Variants in GABBR2 observed in about 807,000 individuals in gnomAD.
The protein encoded by GABBR2 is gamma-aminobutyric acid type B receptor subunit 2, also known as G-protein coupled receptor 51.
GABBR2 carries 23 observed loss-of-function variants against 105.6 expected under a neutral mutation model. That is an observed-to-expected ratio of 0.22 (90% CI 0.16 to 0.31). GABBR2 has a LOEUF of 0.31. Ranked by LOEUF, GABBR2 falls within the 10% of genes least tolerant of loss-of-function variation. The probability of loss-of-function intolerance (pLI) is 1.00; values close to 1 mark genes in which losing one functional copy is unlikely to be tolerated. For synonymous variants in GABBR2, 478 were observed against 499.7 expected (o/e 0.96, Z 0.58); for missense variants, 734 against 1,245.5 (o/e 0.59, Z 6.18).
At chr9:98,588,099 T>C (rs1372928202) in intron 1 of GABBR2, among the ~76,000 whole-genome samples, 1 of 152,202 alleles carries the variant, frequency 6.6e-6, no homozygotes, top group Non-Finnish European at 1.5e-5. Context: ...ATTTTTAAAC[T>C]GGTAAGCTTT....
rs996748074 is a variant in GABBR2 at position 98,388,156 on chromosome 9, T to A, written c.1529+698A>T. 1.3e-5 allele frequency among the ~76,000 whole-genome samples: 2 copies of A among 152,230 alleles called. No individual in the cohort carries two copies. The highest frequency in any genetic ancestry group is 4.8e-5 in the African/African-American group (2 of 41,470). ...CTGGAGTGGCGGCCTGTTCTACCCA[T>A]GACTGACCAGAATAACTCAGTCAGC... On this transcript the variant is annotated intron_variant, in intron 10 of 18. Transcript: ENST00000259455. The surrounding 1 kb of genome is among the most constrained non-coding windows in gnomAD (Gnocchi z 4.4).
intron 8 of GABBR2, among the ~76,000 whole-genome samples, chr9:98,403,832 T>C (rs1257588905): frequency 6.6e-6 from 1 of 151,502 alleles, no homozygotes; most frequent in East Asian, 1.9e-4. Flanking sequence ...ATTTAGTTTT[T>C]CCCATATTCC....
intron 3 of GABBR2, among the ~76,000 whole-genome samples, chr9:98,511,119 C>T (rs1827632240): frequency 6.6e-6 from 1 of 152,188 alleles, no homozygotes; most frequent in Non-Finnish European, 1.5e-5. Flanking sequence ...AACTGCACAA[C>T]TACATGGAAA....
chr9:98,617,182 C>T (rs1026616798), intron 1 of GABBR2, among the ~76,000 whole-genome samples: 2 of 152,138 alleles, frequency 1.3e-5, no homozygotes, highest in Non-Finnish European at 2.9e-5. Context: ...GTCAGATGTG[C>T]GTGTGAATGG....
At chr9:98,322,793 C>T (rs193122234) in intron 13 of GABBR2, among the ~76,000 whole-genome samples, 10 of 152,270 alleles carry the variant, frequency 6.6e-5, no homozygotes, top group Non-Finnish European at 1.3e-4. Flanking sequence ...GGCCTCTGGG[C>T]TCCTCCCACA....
chr9:98,445,902 T>C (rs1057460414), intron 7 of GABBR2, among the ~76,000 whole-genome samples: 2 of 152,214 alleles, frequency 1.3e-5, no homozygotes, highest in African/African-American at 4.8e-5. Flanking sequence ...AGCTTTTGTG[T>C]GTAATGCTGA....
intron 13 of GABBR2, among the ~76,000 whole-genome samples, chr9:98,324,451 A>G (rs185939370): frequency 1.4e-3 from 205 of 150,944 alleles, no homozygotes; most frequent in African/African-American, 4.4e-3. Context: ...GGCTGTTCTT[A>G]GTATGAAGCA....
chr9:98,701,156 C>G lies in GABBR2; in HGVS notation c.321+7261G>C, dbSNP rs1475418975. On this transcript the variant is annotated intron_variant, in intron 1 of 18. Transcript: ENST00000259455. ...CCTCTGTATGAAGAAGTTGATGTTA[C>G]TCTGCCCACAGGGAAGGAAAGTCAA... Among the ~76,000 whole-genome samples, 9 of 152,198 alleles carry G rather than the reference C, an allele frequency of 5.9e-5. No homozygotes were observed. In the East Asian group the frequency reaches 1.7e-3, roughly 29 times the overall value.
intron 6 of GABBR2, among the ~76,000 whole-genome samples, chr9:98,472,725 C>A (rs1363454573): frequency 6.6e-6 from 1 of 152,144 alleles, no homozygotes; most frequent in Non-Finnish European, 1.5e-5. Flanking sequence ...CGCAGTCTGG[C>A]AGCTCTACAG....
rs141496532 is a variant in GABBR2, at chr9:98,550,067, A to G, written c.460-8024T>C. Among the ~76,000 whole-genome samples, 10 of 152,332 alleles carry G rather than the reference A, an allele frequency of 6.6e-5. No individual in the cohort carries two copies. The East Asian group carries it at 1.5e-3, about 23-fold the overall frequency. ...TTGACCTTCATCCTGGAGCGTCAAG[A>G]TAGTCCTGTCCAAATCCTATAACCT... On this transcript the variant is annotated intron_variant, in intron 2 of 18. Transcript: ENST00000259455.
At chr9:98,678,059 G>A (rs926856363) in intron 1 of GABBR2, among the ~76,000 whole-genome samples, 5 of 152,048 alleles carry the variant, frequency 3.3e-5, no homozygotes, top group African/African-American at 9.7e-5. Flanking sequence ...CGGAACTCTC[G>A]TTTTGTTCAT....
chr9:98,525,152 A>C (rs986679164), intron 3 of GABBR2, among the ~76,000 whole-genome samples: 1 of 152,172 alleles, frequency 6.6e-6, no homozygotes, highest in Non-Finnish European at 1.5e-5. Flanking sequence ...AAAAGAAAAA[A>C]AGATAGATTT....
intron 17 of GABBR2, among the ~76,000 whole-genome samples, chr9:98,296,587 A>G (rs1220192415): frequency 6.6e-6 from 1 of 152,234 alleles, no homozygotes; most frequent in East Asian, 1.9e-4. Flanking sequence ...TGAGGCAAAA[A>G]TGGTATCTCA....
At chr9:98,627,886 G>A (rs1302430025) in intron 1 of GABBR2, among the ~76,000 whole-genome samples, 1 of 152,218 alleles carries the variant, frequency 6.6e-6, no homozygotes, top group Non-Finnish European at 1.5e-5. Flanking sequence ...AGGTCACGCA[G>A]CTCTTCAGGG....
rs558324207 is a variant in GABBR2 at position 98,592,121 on chromosome 9, C to T, written c.322-14049G>A. Among the ~76,000 whole-genome samples the T allele has an allele frequency of 5.3e-5, 8 of 152,308 alleles. No homozygotes were observed. In the East Asian group the frequency reaches 1.5e-3, roughly 29 times the overall value. On this transcript the variant is annotated intron_variant, in intron 1 of 18. Transcript: ENST00000259455. ...AAGGAAAATGAAAACTCTGGAGAGGCTCAGCCAGCAATTAAATTGACCTCA... is the reference window on the plus strand; with the variant it reads ...AAGGAAAATGAAAACTCTGGAGAGGTTCAGCCAGCAATTAAATTGACCTCA...
chr9:98,370,891 A>T (rs919267481), intron 12 of GABBR2, among the ~76,000 whole-genome samples: 19 of 152,178 alleles, frequency 1.2e-4, no homozygotes, highest in Non-Finnish European at 2.5e-4. Context: ...CCTGTCCTAC[A>T]GGGGCCTCTT....
At chr9:98,353,372 A>C (rs1055295255) in intron 13 of GABBR2, among the ~76,000 whole-genome samples, 2 of 152,198 alleles carry the variant, frequency 1.3e-5, no homozygotes, top group African/African-American at 4.8e-5. Flanking sequence ...TGAAACCCTG[A>C]AAGTCATCCA....
At chr9:98,657,634 C>T (rs1830200430) in intron 1 of GABBR2, among the ~76,000 whole-genome samples, 1 of 152,246 alleles carries the variant, frequency 6.6e-6, no homozygotes, top group Non-Finnish European at 1.5e-5. Context: ...GATAGTGATT[C>T]TGATGACAGT....
chr9:98,658,544 C>T, intron 1 of GABBR2, among the ~76,000 whole-genome samples: 1 of 152,202 alleles, frequency 6.6e-6, no homozygotes, highest in East Asian at 1.9e-4. Flanking sequence ...CTCCCATCCA[C>T]CGCTCTGTCA....
Sources: gnomAD v4.1 joint callset for allele counts (sites outside exome capture counted in the v4.1 genomes callset) on GRCh38, gnomAD v4.1.1 for gene constraint, Gnocchi (gnomAD v3.1) non-coding constraint, MANE v1.5 for transcripts, NCBI Gene and HGNC (gene_info 2026-07-23, HGNC 2026-07-21) for gene names.